The following ATAD3A variants were observed in gnomAD, a reference collection of about 807,000 sequenced individuals.
ATAD3A encodes the protein ATPase family AAA domain-containing protein 3A.
ATAD3A carries 46 observed loss-of-function variants against 73.8 expected under a neutral mutation model. That is an observed-to-expected ratio of 0.62 (90% CI 0.49 to 0.80). ATAD3A has a LOEUF of 0.80. Ranked by LOEUF, ATAD3A falls within the 30% of genes least tolerant of loss-of-function variation. The pLI, the probability that ATAD3A is intolerant of heterozygous loss-of-function variation, is 0.00. For synonymous variants in ATAD3A, 319 were observed against 350.0 expected, an observed-to-expected ratio of 0.91 and a Z score of 0.99; for missense variants, 705 against 838.0, an observed-to-expected ratio of 0.84 and a Z score of 1.96.
In ATAD3A at chr1:1,523,163, C is replaced by T. The variant is rs977550002; in HGVS notation, c.906+264C>T. On this transcript the variant is annotated intron_variant, in intron 8 of 15. Coordinates refer to ENST00000378756, the MANE Select transcript of ATAD3A (RefSeq NM_001170535.3). This position sits in a 1 kb window ranked among gnomAD's most constrained non-coding sequence, Gnocchi z 5.1. ...AGCACATCGGGGTCCTTGCAAGACC[C>T]GGGACTTGGGTGTGCGGCCGTCTAT... 5.9e-5 allele frequency among the ~76,000 whole-genome samples: 9 copies of T among 151,960 alleles called. No homozygotes were observed. The highest frequency in any genetic ancestry group is 1.3e-4 in the Admixed American group (2 of 15,256).
At chr1:1,515,898 C>A (rs1641338489) in intron 1 of ATAD3A, 114 bp from the exon 2 acceptor site, 1 of 1,186,052 alleles carries the variant, frequency 8.4e-7, no homozygotes, top group Non-Finnish European at 1.2e-6. Flanking sequence ...GGGCTGGGGG[C>A]TTTGAGGTCG....
chr1:1,525,687 T>G (rs1159903818), intron 12 of ATAD3A, among the ~76,000 whole-genome samples: 3 of 152,054 alleles, frequency 2.0e-5, no homozygotes, highest in Non-Finnish European at 2.9e-5. Context: ...GTGCTGGGAT[T>G]ACAGGCGTGA....
Position 1,533,645 on chromosome 1 carries a change from T to C in ATAD3A, c.1615-281T>C, listed in dbSNP as rs1413466793. Among the ~76,000 whole-genome samples the C allele has an allele frequency of 3.9e-5, 6 of 152,182 alleles. 1 individual carries two copies. Among genetic ancestry groups the C allele is most frequent in the East Asian group, 1.9e-4 (1 of 5,176 alleles). ...CCCACCTGCCTCTCGGAAGCTGCCC[T>C]GGGTCGGCGGTCAGTGAGGCTCCGC... On this transcript the variant is annotated intron_variant, in intron 15 of 15. Transcript: ENST00000378756.
chr1:1,533,233 C>T (rs116052437), intron 15 of ATAD3A, among the ~76,000 whole-genome samples: 1,585 of 152,306 alleles, frequency 0.01, 12 homozygotes, highest in Admixed American at 0.013. Flanking sequence ...CTCCTGAGCA[C>T]GGTGCCCAGT....
chr1:1,533,062 C>T (rs546244588), intron 15 of ATAD3A, among the ~76,000 whole-genome samples: 9 of 152,322 alleles, frequency 5.9e-5, no homozygotes, highest in South Asian at 2.1e-4. Flanking sequence ...TGGCAGGTTC[C>T]GTCGTGGCGA....
intron 4 of ATAD3A, among the ~76,000 whole-genome samples, chr1:1,518,682 CA>C (rs1557460969): frequency 2.3e-4 from 28 of 120,806 alleles, no homozygotes; most frequent in African/African-American, 6.8e-4. Context: ...CACACACACA[CA>C]CACACACCCA....
Position 1,527,690 on chromosome 1 carries a change from C to T in ATAD3A, c.1338-5C>T, listed in dbSNP as rs768551888. On this transcript the variant is annotated splice_region_variant and splice_polypyrimidine_tract_variant and intron_variant, in intron 13 of 15. Transcript: ENST00000378756. ...AGCATCCTCATCCTCATCCCCGCCC[C>T]GCAGGTTCATGCTGGTCCTGGCCAG... 9.3e-6 allele frequency: 15 copies of T among 1,607,472 alleles called. No homozygotes were observed. The highest frequency in any genetic ancestry group is 1.7e-4 in the Middle Eastern group (1 of 6,046).
chr1:1,523,506 G>T lies in ATAD3A; in HGVS notation c.907-5G>T. On this transcript the variant is annotated splice_region_variant and splice_polypyrimidine_tract_variant and intron_variant, in intron 8 of 15. Transcript: ENST00000378756. This position sits in a 1 kb window ranked among gnomAD's most constrained non-coding sequence, Gnocchi z 5.1. ...CCGATGGCGCTTCCCCTTCCCCTCC[G>T]GCAGGTCAGCCGGCGGCTCCTCAGT... The T allele has an allele frequency of 6.2e-7, 1 of 1,611,770 alleles. No individual in the cohort carries two copies. The highest frequency in any genetic ancestry group is 8.5e-7 in the Non-Finnish European group (1 of 1,179,276).
Position 1,529,271 on chromosome 1 carries a change from C to T in ATAD3A, c.1554C>T (p.Val518=), listed in dbSNP as rs941898554. Residue 518 remains valine (V), a synonymous_variant, in exon 15 of 16, where the codon GTC becomes GTT. Transcript: ENST00000378756. ...ACTACGGGAGGAAGTGCTCGGAGGTCGCTCGGCTGACGGAGGGCATGTCGG... is the reference window on the plus strand; with the variant it reads ...ACTACGGGAGGAAGTGCTCGGAGGTTGCTCGGCTGACGGAGGGCATGTCGG... The part of the protein sequence containing the change: ...QFDYGRKCSE[V]ARLTEGMSGR... 6.2e-6 allele frequency: 10 copies of T among 1,608,128 alleles called. No individual in the cohort carries two copies. The highest frequency in any genetic ancestry group is 4.5e-5 in the East Asian group (2 of 44,628).
In ATAD3A at chr1:1,520,282, G is replaced by A. The variant is rs1641540527; in HGVS notation, c.656G>A (p.Arg219His). Reference protein sequence around the residue: ...EQIRLKAAEHRQTVLESIRTA... With the variant: ...EQIRLKAAEHHQTVLESIRTA... ...ATCCGCCTGAAGGCGGCCGAGCACC[G>A]TCAGACCGTCTTGGAGTCCATCAGG... is the stretch of plus-strand genomic sequence containing the variant. The change falls in exon 6 of 16, where the codon CGT becomes CAT. Residue 219 changes from arginine (R) to histidine (H), a missense_variant. Physicochemically the swap from Arg to His is conservative, Grantham distance 29. Around this residue, in one of 5 missense-constraint regions of ATAD3A, gnomAD observed 315 missense variants for 334.1 expected, o/e 0.94. Coordinates refer to ENST00000378756, the MANE Select transcript of ATAD3A (RefSeq NM_001170535.3). This position sits in a 1 kb window ranked among gnomAD's most constrained non-coding sequence, Gnocchi z 4.0. 3 of 1,612,960 alleles carry A rather than the reference G, an allele frequency of 1.9e-6. No homozygotes were observed. The highest frequency in any genetic ancestry group is 2.2e-5 in the East Asian group (1 of 44,890).
At position 1,534,107 on chromosome 1, in the gene ATAD3A, C is replaced by G; in HGVS notation, c.*35C>G. On this transcript the variant is annotated 3_prime_UTR_variant, in exon 16 of 16. Coordinates refer to ENST00000378756, the MANE Select transcript of ATAD3A (RefSeq NM_001170535.3). ...GAGATCCACAGCTCACGGAGCCTGG[C>G]CGCGGACCCCTCCCACCCCTGCCTT... 1 of 1,613,178 alleles carries G rather than the reference C, an allele frequency of 6.2e-7. No homozygotes were observed. Among genetic ancestry groups the G allele is most frequent in the East Asian group, 2.2e-5 (1 of 44,866 alleles).
rs755434964 is a variant in ATAD3A at position 1,524,295 on chromosome 1, T to C, written c.1112T>C (p.Met371Thr). The C allele has an allele frequency of 6.2e-7, 1 of 1,613,800 alleles. No homozygotes were observed. The highest frequency in any genetic ancestry group is 8.5e-7 in the Non-Finnish European group (1 of 1,179,816). ...CAGAAACTCGCCCTGCACTCAGGCA[T>C]GGACTACGCCATCATGACAGGCGGG... ...FAKKLALHSGMDYAIMTGGDV... is the reference protein window; with the variant it reads ...FAKKLALHSGTDYAIMTGGDV... Residue 371 changes from methionine to threonine, a missense_variant, in exon 11 of 16, where the codon ATG (methionine) becomes ACG (threonine). Physicochemically the swap from Met to Thr is moderately conservative, Grantham distance 81. Around this residue, in one of 5 missense-constraint regions of ATAD3A, gnomAD observed 315 missense variants for 334.1 expected, o/e 0.94. Coordinates refer to ENST00000378756, the MANE Select transcript of ATAD3A (RefSeq NM_001170535.3).
chr1:1,529,138 C>T (rs1166288494), intron 14 of ATAD3A, 85 bp from the exon 15 acceptor site: 26 of 1,557,956 alleles, frequency 1.7e-5, no homozygotes, highest in Admixed American at 3.9e-5. Flanking sequence ...GCGTGGGTGT[C>T]GGCCTCGCTG....
intron 5 of ATAD3A, 105 bp downstream of exon 5, chr1:1,519,095 C>T: frequency 6.2e-7 from 1 of 1,600,736 alleles, no homozygotes; most frequent in Non-Finnish European, 8.5e-7. Context: ...TCATAGCTAC[C>T]AGTGCAGTGG....
intron 15 of ATAD3A, among the ~76,000 whole-genome samples, chr1:1,531,936 C>G (rs773306968): frequency 6.6e-6 from 1 of 151,866 alleles, no homozygotes; most frequent in East Asian, 2.0e-4. Context: ...CAGGTGTGAG[C>G]CACCATGCAC....
intron 4 of ATAD3A, 121 bp from the exon 5 acceptor site, chr1:1,518,800 G>T: frequency 6.4e-7 from 1 of 1,571,938 alleles, no homozygotes; most frequent in Non-Finnish European, 8.6e-7. Flanking sequence ...AACGGGCACC[G>T]TCACACCCCG....
chr1:1,527,587 GT>G, intron 13 of ATAD3A, 107 bp from the exon 14 acceptor site: 1 of 1,400,160 alleles, frequency 7.1e-7, no homozygotes, highest in Non-Finnish European at 9.6e-7. Context: ...GTGTCCTCGT[GT>G]TTCCCGCCAC....
chr1:1,525,390 T>G, intron 12 of ATAD3A, 99 bp downstream of exon 12: 1 of 1,406,710 alleles, frequency 7.1e-7, no homozygotes, highest in Non-Finnish European at 9.8e-7. Flanking sequence ...TCTTTTTCTC[T>G]GTAAGCTTTG....
chr1:1,529,423 C>A, intron 15 of ATAD3A, 92 bp downstream of exon 15: 1 of 1,494,368 alleles, frequency 6.7e-7, no homozygotes, highest in South Asian at 1.3e-5. Flanking sequence ...ACCGGTGTCA[C>A]GCGGGAGCTT....
Sources: gnomAD v4.1 joint callset for allele counts (sites outside exome capture counted in the v4.1 genomes callset) on GRCh38, gnomAD v4.1.1 for gene constraint, gnomAD v4.1.1 regional missense constraint, Gnocchi (gnomAD v3.1) non-coding constraint, MANE v1.5 for transcripts, NCBI Gene and HGNC (gene_info 2026-07-23, HGNC 2026-07-21) for gene names.